ADAM9: variants seen among roughly 807,000 people sequenced by gnomAD.
ADAM9 encodes the protein ADAM metallopeptidase domain 9.
In ADAM9, 54 loss-of-function variants were observed where a neutral mutation model predicts 108.1. The ratio of observed to expected loss-of-function variants is 0.50; its 90% CI spans 0.40 to 0.63. ADAM9 has a LOEUF of 0.63. Ranked by LOEUF, ADAM9 falls within the 20% of genes least tolerant of loss-of-function variation. The pLI, the probability that ADAM9 is intolerant of heterozygous loss-of-function variation, is 0.00. For missense variants in ADAM9, 830 were observed against 997.7 expected, an observed-to-expected ratio of 0.83 and a Z score of 2.26; for synonymous variants, 316 against 336.0, an observed-to-expected ratio of 0.94 and a Z score of 0.65.
chr8:39,090,098 T>G lies in ADAM9; in HGVS notation c.2120T>G (p.Val707Gly). The change falls in exon 19 of 22, where the codon GTT becomes GGT. Residue 707 changes from valine to glycine, a missense_variant. This residue lies in a region of ADAM9 where 238 missense variants were observed against 235.7 expected (regional missense o/e 1.01). Transcript: ENST00000487273. ...CTTCTGGTCTTCTTCTTCCTAATTG[T>G]TCCCCTTATTGTCTGTGCTATTTTT... ...DGLLVFFFLI[V>G]PLIVCAIFIF... is the part of the protein sequence containing the mutation. The G allele has an allele frequency of 6.2e-7, 1 of 1,613,920 alleles. No individual in the cohort carries two copies. Among genetic ancestry groups the G allele is most frequent in the South Asian group, 1.1e-5 (1 of 91,078 alleles).
In ADAM9 at chr8:39,060,625, A is replaced by G. The variant is rs573086923; in HGVS notation, c.1591+4853A>G. Among the ~76,000 whole-genome samples, 59 of 152,276 alleles carry G rather than the reference A, an allele frequency of 3.9e-4. 1 individual carries two copies. In the South Asian group the frequency reaches 0.012, roughly 31 times the overall value. Reference sequence around the variant, plus strand: ...TTTCACTGAGGTAGAAGGCACCTGAATTTTTGTCAGATTTATTTTCTACTT... The same window carrying G: ...TTTCACTGAGGTAGAAGGCACCTGAGTTTTTGTCAGATTTATTTTCTACTT... On this transcript the variant is annotated intron_variant, in intron 14 of 21. Coordinates refer to ENST00000487273, the MANE Select transcript of ADAM9 (RefSeq NM_003816.3).
intron 1 of ADAM9, among the ~76,000 whole-genome samples, chr8:38,999,568 G>A (rs1835933921): frequency 6.6e-6 from 1 of 152,112 alleles, no homozygotes; most frequent in African/African-American, 2.4e-5. Context: ...GTTTTCAGAT[G>A]CCAGCAAAAT....
At chr8:39,082,894 G>C (rs1435539154) in intron 17 of ADAM9, 74 bp from the exon 18 acceptor site, 1 of 1,419,880 alleles carries the variant, frequency 7.0e-7, no homozygotes, top group Non-Finnish European at 9.9e-7. Context: ...CCTTTCTCTT[G>C]GTTTCCATTC....
intron 14 of ADAM9, among the ~76,000 whole-genome samples, chr8:39,061,342 C>G (rs1838292310): frequency 6.6e-6 from 1 of 152,146 alleles, no homozygotes; most frequent in South Asian, 2.1e-4. Context: ...GGGAAAAAAC[C>G]CACAAGGTGG....
rs1332856506 is a variant in ADAM9 at position 39,104,159 on chromosome 8, A to G, written c.*459A>G. On this transcript the variant is annotated 3_prime_UTR_variant, in exon 22 of 22. Coordinates refer to ENST00000487273, the MANE Select transcript of ADAM9 (RefSeq NM_003816.3). ...GACTAATCAGCTGCCAATAATATCT[A>G]ATATTTTTCATCATGCACGAATTAA... The G allele has an allele frequency of 1.3e-5, 6 of 454,294 alleles. No individual in the cohort carries two copies. Among genetic ancestry groups the G allele is most frequent in the Admixed American group, 2.3e-5 (1 of 42,556 alleles). 28.1% of individuals were successfully genotyped at this position (454,294 alleles called of 1,614,324 possible).
intron 20 of ADAM9, among the ~76,000 whole-genome samples, chr8:39,094,660 A>C (rs984464257): frequency 1.6e-4 from 24 of 151,914 alleles, no homozygotes; most frequent in African/African-American, 5.6e-4. Flanking sequence ...GATAGGTTGT[A>C]TGTTTCTAGG....
At chr8:39,054,806 C>A (rs2129438703) in intron 13 of ADAM9, among the ~76,000 whole-genome samples, 1 of 151,968 alleles carries the variant, frequency 6.6e-6, no homozygotes, top group Admixed American at 6.6e-5. Flanking sequence ...TTTAGAGTAA[C>A]ATATGCCTGT....
intron 2 of ADAM9, among the ~76,000 whole-genome samples, chr8:39,009,024 C>T (rs191942626): frequency 9.1e-4 from 139 of 152,236 alleles, no homozygotes; most frequent in African/African-American, 3.1e-3. Flanking sequence ...TGTAAGGCAG[C>T]GTGCCTGTTT....
At chr8:39,053,581 T>C (rs1838023246) in intron 12 of ADAM9, among the ~76,000 whole-genome samples, 1 of 152,210 alleles carries the variant, frequency 6.6e-6, no homozygotes, top group Non-Finnish European at 1.5e-5. Context: ...TAGAGTCCTG[T>C]GTACTTTTCA....
chr8:39,046,721 T>C (rs1161996218), intron 12 of ADAM9, among the ~76,000 whole-genome samples: 1 of 152,180 alleles, frequency 6.6e-6, no homozygotes, highest in East Asian at 1.9e-4. Flanking sequence ...ATGATCATGC[T>C]ATTTTTATCC....
chr8:39,056,824 G>T (rs1018620501), intron 14 of ADAM9, among the ~76,000 whole-genome samples: 3 of 152,068 alleles, frequency 2.0e-5, no homozygotes, highest in African/African-American at 7.2e-5. Context: ...CTGAACAGAA[G>T]GCCTCTGTTC....
intron 20 of ADAM9, among the ~76,000 whole-genome samples, chr8:39,092,658 A>G (rs1040449080): frequency 6.6e-6 from 1 of 151,638 alleles, no homozygotes; most frequent in African/African-American, 2.4e-5. Context: ...ACTAATATTT[A>G]CCATCTTAAC....
chr8:39,072,810 A>G (rs958821197), intron 15 of ADAM9, among the ~76,000 whole-genome samples: 12 of 152,310 alleles, frequency 7.9e-5, no homozygotes, highest in East Asian at 7.7e-4. Flanking sequence ...TCTTTTTCAT[A>G]GAATTTGATA....
intron 11 of ADAM9, among the ~76,000 whole-genome samples, chr8:39,028,829 A>G (rs1338896229): frequency 6.6e-6 from 1 of 152,174 alleles, no homozygotes; most frequent in Admixed American, 6.5e-5. Context: ...GAAATAAAAT[A>G]GAGCAGAATG....
At chr8:39,018,356 A>C (rs999121456) in intron 6 of ADAM9, among the ~76,000 whole-genome samples, 1 of 152,244 alleles carries the variant, frequency 6.6e-6, no homozygotes, top group African/African-American at 2.4e-5. Flanking sequence ...CTGTAAAATG[A>C]CAAAACTAGT....
intron 18 of ADAM9, chr8:39,089,808 A>T: frequency 2.0e-6 from 1 of 494,776 alleles, no homozygotes; most frequent in South Asian, 2.1e-5. Context: ...TTTGTTCTTG[A>T]TTGTTTGCTC....
chr8:39,016,155 A>C lies in ADAM9; in HGVS notation c.371A>C (p.His124Pro). The stretch of plus-strand genomic sequence containing the variant: ...TATCGGGGCTATGTGGAGGGAGTTC[A>C]TAATTCATCCATTGCTCTTAGCGAC... ...CHYRGYVEGV[H>P]NSSIALSDCF... The change falls in exon 5 of 22, where the codon CAT becomes CCT. Residue 124 changes from histidine to proline, a missense_variant. His to Pro is a moderately conservative substitution (Grantham distance 77). Transcript: ENST00000487273. 2 of 1,613,958 alleles carry C rather than the reference A, an allele frequency of 1.2e-6. No homozygotes were observed. Among genetic ancestry groups the C allele is most frequent in the Non-Finnish European group, 1.7e-6 (2 of 1,179,888 alleles).
At chr8:39,023,446 C>G (rs1836814606) in intron 9 of ADAM9, 121 bp downstream of exon 9, 1 of 1,079,664 alleles carries the variant, frequency 9.3e-7, no homozygotes, top group Non-Finnish European at 1.3e-6. Flanking sequence ...ATGAGGAAAA[C>G]TTAGCTTGAT....
intron 9 of ADAM9, among the ~76,000 whole-genome samples, chr8:39,023,978 T>G (rs984100913): frequency 6.6e-6 from 1 of 152,132 alleles, no homozygotes; most frequent in African/African-American, 2.4e-5. Context: ...ACTCCTGACC[T>G]CAGGTGATCC....
Sources: allele counts gnomAD v4.1 joint callset (sites outside exome capture counted in the v4.1 genomes callset), GRCh38; gene constraint gnomAD v4.1.1; regional missense constraint gnomAD v4.1.1; transcripts MANE v1.5; gene names NCBI Gene and HGNC (gene_info 2026-07-23, HGNC 2026-07-21).